TENM4: variants seen among roughly 807,000 people sequenced by gnomAD.
TENM4 encodes the protein teneurin-4.
Under a neutral mutation model 243.3 loss-of-function variants are expected in TENM4, and 82 were observed. That is an observed-to-expected ratio of 0.34 (90% confidence interval 0.28 to 0.40). TENM4 has a LOEUF of 0.40. TENM4 is among the 10% of genes least tolerant of loss of function. The pLI, the probability that TENM4 is intolerant of heterozygous loss-of-function variation, is 1.00. For synonymous variants in TENM4, 1,412 were observed against 1,456.3 expected, an observed-to-expected ratio of 0.97 and a Z score of 0.69; for missense variants, 3,138 against 3,673.3, an observed-to-expected ratio of 0.85 and a Z score of 3.77.
At chr11:78,951,620 CT>C (rs1478148539) in intron 6 of TENM4, among the ~76,000 whole-genome samples, 1 of 152,182 alleles carries the variant, frequency 6.6e-6, no homozygotes, top group Non-Finnish European at 1.5e-5. Context: ...CTCTTCGTGG[CT>C]TGTAGATGGT....
intron 7 of TENM4, among the ~76,000 whole-genome samples, chr11:78,892,594 G>A (rs1430425867): frequency 6.6e-6 from 1 of 152,148 alleles, no homozygotes; most frequent in Non-Finnish European, 1.5e-5. Context: ...CTGAGATAAT[G>A]GTGGAAGAAG....
intron 2 of TENM4, among the ~76,000 whole-genome samples, chr11:79,220,016 T>A (rs1487943310): frequency 6.6e-6 from 1 of 152,206 alleles, no homozygotes; most frequent in Non-Finnish European, 1.5e-5. Flanking sequence ...GGCTAAGCCG[T>A]GGTACCCGGA....
chr11:79,215,844 T>C lies in TENM4; in HGVS notation c.-199A>G, dbSNP rs945412484. 3.0e-6 allele frequency: 3 copies of C among 985,558 alleles called. No individual in the cohort carries two copies. Among genetic ancestry groups the C allele is most frequent in the Non-Finnish European group, 3.6e-6 (3 of 829,936 alleles). The allele number at this position is 985,558 out of a possible 1,614,324, so 61.1% of individuals were successfully genotyped here. On this transcript the variant is annotated 5_prime_UTR_variant, in exon 3 of 34. Coordinates refer to ENST00000278550, the MANE Select transcript of TENM4 (RefSeq NM_001098816.3). ...TCAGCACGTTCTGAAGAGTCAGCAATGTCCGTGGGCCCTGCAGCCCTCTCT... is the reference window on the plus strand; with the variant it reads ...TCAGCACGTTCTGAAGAGTCAGCAACGTCCGTGGGCCCTGCAGCCCTCTCT...
chr11:79,130,713 C>T (rs1307734624), intron 4 of TENM4, among the ~76,000 whole-genome samples: 1 of 152,068 alleles, frequency 6.6e-6, no homozygotes, highest in Non-Finnish European at 1.5e-5. Flanking sequence ...GTCCTAGCTA[C>T]TTGGGAGGCT....
At chr11:79,190,029 C>T (rs761196466) in intron 3 of TENM4, among the ~76,000 whole-genome samples, 1 of 152,164 alleles carries the variant, frequency 6.6e-6, no homozygotes, top group Non-Finnish European at 1.5e-5. Flanking sequence ...AAAGGGGGAG[C>T]CTTCTGGAAC....
chr11:79,079,351 C>G (rs541126870), intron 4 of TENM4, among the ~76,000 whole-genome samples: 13 of 152,324 alleles, frequency 8.5e-5, no homozygotes, highest in East Asian at 3.9e-4. Context: ...AGGGCTCCCC[C>G]CAGAGCTGCC....
intron 6 of TENM4, among the ~76,000 whole-genome samples, chr11:79,026,059 C>T (rs751300169): frequency 3.3e-5 from 5 of 152,086 alleles, no homozygotes; most frequent in East Asian, 1.9e-4. Context: ...ACGAGGGCAA[C>T]GATGTCAGTG....
At chr11:79,009,311 T>C (rs1858580418) in intron 6 of TENM4, among the ~76,000 whole-genome samples, 1 of 152,120 alleles carries the variant, frequency 6.6e-6, no homozygotes, top group African/African-American at 2.4e-5. Flanking sequence ...TTTGGTTAGG[T>C]ATGTGGGGTA....
chr11:79,417,446 C>G (rs1858841475), intron 1 of TENM4, among the ~76,000 whole-genome samples: 1 of 152,166 alleles, frequency 6.6e-6, no homozygotes, highest in Admixed American at 6.5e-5. Flanking sequence ...GAAATACCAA[C>G]CACAAGAGTG....
At chr11:79,106,220 G>A (rs989196249) in intron 4 of TENM4, among the ~76,000 whole-genome samples, 11 of 152,162 alleles carry the variant, frequency 7.2e-5, no homozygotes, top group African/African-American at 2.4e-5. Flanking sequence ...CAAGTCTAGC[G>A]CCAGAGCATA....
intron 6 of TENM4, among the ~76,000 whole-genome samples, chr11:78,917,463 T>C (rs1856342324): frequency 6.6e-6 from 1 of 152,240 alleles, no homozygotes; most frequent in Non-Finnish European, 1.5e-5. Context: ...CTTTTCATCA[T>C]TTACGACTGA....
intron 9 of TENM4, among the ~76,000 whole-genome samples, chr11:78,880,619 G>A (rs2136271343): frequency 6.6e-6 from 1 of 152,192 alleles, no homozygotes; most frequent in East Asian, 1.9e-4. Flanking sequence ...CTTTCTTTTT[G>A]ACACATTCCC....
intron 1 of TENM4, chr11:79,402,137 C>A: frequency 2.9e-6 from 1 of 342,776 alleles, no homozygotes; most frequent in Non-Finnish European, 7.0e-6. Flanking sequence ...AGTCCCTCGC[C>A]AACCATGGGG....
At chr11:78,704,159 C>CTATATATATATATATA (rs56026926) in intron 27 of TENM4, among the ~76,000 whole-genome samples, 173 of 105,986 alleles carry the variant, frequency 1.6e-3, no homozygotes, top group Non-Finnish European at 2.2e-3. Context: ...GTATGTGTGT[C>CTATATATATATATATA]TATATATATA....
intron 18 of TENM4, among the ~76,000 whole-genome samples, chr11:78,766,402 C>T (rs957835972): frequency 6.6e-5 from 10 of 152,172 alleles, no homozygotes; most frequent in African/African-American, 2.4e-4. Context: ...TCAGAAGATG[C>T]ATGTGTCTGT....
intron 6 of TENM4, among the ~76,000 whole-genome samples, chr11:79,023,078 T>C (rs1213530420): frequency 6.6e-6 from 1 of 152,172 alleles, no homozygotes; most frequent in East Asian, 1.9e-4. Flanking sequence ...CTCTAACCAC[T>C]AACATAACCA....
intron 1 of TENM4, among the ~76,000 whole-genome samples, chr11:79,382,604 G>A (rs1341093387): frequency 6.6e-6 from 1 of 152,034 alleles, no homozygotes; most frequent in East Asian, 1.9e-4. Context: ...CAATTATGAA[G>A]TCCAGAGCAT....
chr11:79,204,035 G>C (rs57948780), intron 3 of TENM4, among the ~76,000 whole-genome samples: 4,876 of 152,204 alleles, frequency 0.032, 281 homozygotes, highest in African/African-American at 0.11. Context: ...AAATCCACAG[G>C]TGCAGAAAAG....
intron 6 of TENM4, among the ~76,000 whole-genome samples, chr11:79,010,140 G>C (rs1858604786): frequency 6.6e-6 from 1 of 152,122 alleles, no homozygotes; most frequent in African/African-American, 2.4e-5. Flanking sequence ...CCAGTTTTGG[G>C]TATGTCTTTA....
Sources: allele counts gnomAD v4.1 joint callset (sites outside exome capture counted in the v4.1 genomes callset), GRCh38; gene constraint gnomAD v4.1.1; transcripts MANE v1.5; gene names NCBI Gene and HGNC (gene_info 2026-07-23, HGNC 2026-07-21).